The following WWC2 variants were observed in gnomAD, a reference collection of about 807,000 sequenced individuals.
The protein encoded by WWC2 is protein WWC2.
In WWC2, 101 loss-of-function variants were observed where a neutral mutation model predicts 138.5. The observed-to-expected ratio is 0.73, with a 90% CI of 0.62 to 0.86. The LOEUF is 0.86. Ranked by LOEUF, WWC2 falls within the 40% of genes least tolerant of loss-of-function variation. The pLI is 0.00. For synonymous variants in WWC2, 558 were observed against 538.4 expected, an observed-to-expected ratio of 1.04 and a Z score of -0.50; for missense variants, 1,420 against 1,419.4, an observed-to-expected ratio of 1.00 and a Z score of -0.01.
intron 1 of WWC2, 52 bp downstream of exon 1, chr4:183,099,674 C>A: frequency 8.4e-7 from 1 of 1,191,856 alleles, no homozygotes. Context: ...CGGCTGTTGT[C>A]CCGGAGACCC....
intron 9 of WWC2, among the ~76,000 whole-genome samples, chr4:183,256,317 A>G (rs905040528): frequency 6.6e-6 from 1 of 152,244 alleles, no homozygotes; most frequent in African/African-American, 2.4e-5. Context: ...AGTAGTTCAC[A>G]TGTCCAGAAG....
intron 1 of WWC2, among the ~76,000 whole-genome samples, chr4:183,161,160 A>C (rs900492339): frequency 2.0e-5 from 3 of 152,162 alleles, no homozygotes; most frequent in Non-Finnish European, 2.9e-5. Flanking sequence ...GAGGTTGGCA[A>C]AATAATTTTA....
intron 8 of WWC2, among the ~76,000 whole-genome samples, chr4:183,250,592 C>T (rs1051414904): frequency 1.3e-5 from 2 of 151,850 alleles, no homozygotes; most frequent in East Asian, 1.9e-4. Context: ...AAGAAACTTC[C>T]GTCTCAACAA....
chr4:183,126,833 A>G (rs1338362136), intron 1 of WWC2, among the ~76,000 whole-genome samples: 1 of 151,208 alleles, frequency 6.6e-6, no homozygotes, highest in East Asian at 1.9e-4. Context: ...GGCTCAAGTG[A>G]TCTTTCTGCC....
intron 5 of WWC2, among the ~76,000 whole-genome samples, chr4:183,243,578 A>G (rs766692692): frequency 3.3e-5 from 5 of 152,196 alleles, no homozygotes; most frequent in Non-Finnish European, 7.3e-5. Context: ...GGTAGTCATA[A>G]GAGCCCCAGT....
intron 2 of WWC2, among the ~76,000 whole-genome samples, chr4:183,198,188 G>A (rs1735195923): frequency 6.6e-6 from 1 of 152,170 alleles, no homozygotes; most frequent in Non-Finnish European, 1.5e-5. Context: ...GGTTGACAGA[G>A]TGAGACCCTG....
rs755878121 is a variant in WWC2 at position 183,319,592 on chromosome 4, TTGA to T, written c.*3871_*3873del. The T allele has an allele frequency of 2.7e-5, 43 of 1,613,680 alleles. No individual in the cohort carries two copies. The African/African-American group carries it at 5.3e-4, about 20-fold the overall frequency. On this transcript the variant is annotated 3_prime_UTR_variant, in exon 23 of 23. Coordinates refer to ENST00000403733, the MANE Select transcript of WWC2 (RefSeq NM_024949.6). ...GGTTGGTGTTTCTCGTCTCCAGTTC[TTGA>T]TGATGATCTTGTGTTTGTGCCACTG...
At chr4:183,143,007 T>C (rs1017576404) in intron 1 of WWC2, among the ~76,000 whole-genome samples, 2 of 152,212 alleles carry the variant, frequency 1.3e-5, no homozygotes, top group Admixed American at 6.5e-5. Context: ...CATCATTCTG[T>C]CACTGTCAGA....
At position 183,117,413 on chromosome 4, in the gene WWC2, G is replaced by T. The variant is rs372505756; in HGVS notation, c.131+17791G>T. On this transcript the variant is annotated intron_variant, in intron 1 of 22. Transcript: ENST00000403733. Reference sequence around the variant, plus strand: ...TTTTTGTATTTTTAGTAAAGATGGGGTTTCACCATATTGGTCAGGCTGGTC... The same window carrying T: ...TTTTTGTATTTTTAGTAAAGATGGGTTTTCACCATATTGGTCAGGCTGGTC... Among the ~76,000 whole-genome samples, 441 of 151,384 alleles carry T rather than the reference G, an allele frequency of 2.9e-3. 3 individuals carry two copies. The highest frequency in any genetic ancestry group is 0.01 in the African/African-American group (423 of 41,258).
intron 17 of WWC2, chr4:183,281,438 A>G (rs538092709): frequency 6.5e-6 from 1 of 153,326 alleles, no homozygotes; most frequent in Admixed American, 6.5e-5. Flanking sequence ...TCATTTATAT[A>G]TAAAGAGCTC....
intron 1 of WWC2, among the ~76,000 whole-genome samples, chr4:183,148,695 A>T (rs181804821): frequency 4.3e-4 from 66 of 152,272 alleles, no homozygotes; most frequent in African/African-American, 1.3e-3. Context: ...GTTCCTATGC[A>T]ACTTCTGTTC....
At chr4:183,241,203 G>A (rs549444692) in intron 5 of WWC2, among the ~76,000 whole-genome samples, 21 of 152,312 alleles carry the variant, frequency 1.4e-4, no homozygotes, top group Non-Finnish European at 2.1e-4. Flanking sequence ...GGCATCTCCC[G>A]TGGTAGCACC....
rs1234106573 is a variant in WWC2, at chr4:183,302,077, TAAC to T, written c.3385-10261_3385-10259del. ...TATCACAGTTATTTAATTATTCTAA[TAAC>T]AATTTCCCAAATTTTCTATTATAAA... On this transcript the variant is annotated intron_variant, in intron 21 of 22. Coordinates refer to ENST00000403733, the MANE Select transcript of WWC2 (RefSeq NM_024949.6). Among the ~76,000 whole-genome samples, 10 of 152,228 alleles carry T rather than the reference TAAC, an allele frequency of 6.6e-5. No individual in the cohort carries two copies. In the South Asian group the frequency reaches 1.2e-3, roughly 19 times the overall value.
chr4:183,282,518 T>G, intron 17 of WWC2, 190 bp from the exon 18 acceptor site: 1 of 595,846 alleles, frequency 1.7e-6, no homozygotes, highest in African/African-American at 1.8e-5. Context: ...GTGATTTTGC[T>G]GCAGGTTACT....
chr4:183,238,756 C>G (rs1416056914), intron 4 of WWC2, among the ~76,000 whole-genome samples: 1 of 152,172 alleles, frequency 6.6e-6, no homozygotes, highest in Non-Finnish European at 1.5e-5. Flanking sequence ...AGGATCTGTT[C>G]TCTTGGCATA....
chr4:183,189,157 A>G (rs568432238), intron 1 of WWC2, among the ~76,000 whole-genome samples: 2 of 152,036 alleles, frequency 1.3e-5, no homozygotes, highest in Admixed American at 1.3e-4. Context: ...GTTGTTGGCC[A>G]GGCGCAGTGG....
chr4:183,117,515 C>T (rs990467218), intron 1 of WWC2, among the ~76,000 whole-genome samples: 73 of 152,192 alleles, frequency 4.8e-4, no homozygotes, highest in African/African-American at 1.7e-3. Context: ...GCCACTGTGC[C>T]CGGCCACGTT....
intron 7 of WWC2, 125 bp from the exon 8 acceptor site, chr4:183,249,795 T>G (rs773351805): frequency 7.4e-6 from 5 of 674,978 alleles, no homozygotes; most frequent in Non-Finnish European, 1.2e-5. Context: ...TTAAAATTGG[T>G]GTTTCCCGAT....
intron 1 of WWC2, among the ~76,000 whole-genome samples, chr4:183,137,752 G>A (rs944387276): frequency 1.3e-5 from 2 of 152,158 alleles, no homozygotes; most frequent in African/African-American, 4.8e-5. Context: ...GCCTGCCTCG[G>A]CCTCCCAAAA....
Sources: allele counts gnomAD v4.1 joint callset (sites outside exome capture counted in the v4.1 genomes callset), GRCh38; gene constraint gnomAD v4.1.1; transcripts MANE v1.5; gene names NCBI Gene and HGNC (gene_info 2026-07-23, HGNC 2026-07-21).